Variants in OPHN1 observed in about 807,000 individuals in gnomAD.
The protein encoded by OPHN1 is oligophrenin 1.
Under a neutral mutation model 60.7 loss-of-function variants are expected in OPHN1, and 11 were observed. That is an observed-to-expected ratio of 0.18 (90% CI 0.11 to 0.30). OPHN1 has a LOEUF of 0.30. Ranked by LOEUF, OPHN1 falls within the 10% of genes least tolerant of loss-of-function variation. The probability of loss-of-function intolerance (pLI) is 1.00; values close to 1 mark genes in which losing one functional copy is unlikely to be tolerated. For synonymous variants in OPHN1, 226 were observed against 222.6 expected, an observed-to-expected ratio of 1.02 and a Z score of -0.14; for missense variants, 449 against 611.0, an observed-to-expected ratio of 0.73 and a Z score of 2.80.
At chrX:68,213,372 G>A (rs1280609835) in intron 7 of OPHN1, among the ~76,000 whole-genome samples, 1 of 110,532 alleles carries the variant, frequency 9.0e-6, no homozygotes, top group East Asian at 2.9e-4. Context: ...ACAAATATAT[G>A]GAAATGGAAA....
At chrX:68,052,696 G>T in intron 22 of OPHN1, 106 bp from the exon 23 acceptor site, 1 of 691,816 alleles carries the variant, frequency 1.4e-6, no homozygotes, top group Non-Finnish European at 2.3e-6. Context: ...GGACACCAAT[G>T]CCAGCCCCTG....
At chrX:68,183,567 CCTTA>C (rs1298965801) in intron 15 of OPHN1, among the ~76,000 whole-genome samples, 2 of 112,144 alleles carry the variant, frequency 1.8e-5, no homozygotes, top group Non-Finnish European at 3.8e-5. Flanking sequence ...TATAAACAAG[CCTTA>C]CTAACTAGCT....
chrX:68,224,291 T>G (rs1271175147), intron 6 of OPHN1, among the ~76,000 whole-genome samples: 1 of 111,838 alleles, frequency 8.9e-6, no homozygotes, highest in East Asian at 2.8e-4. Context: ...AATCAATTTT[T>G]AAAAGCTGAA....
chrX:68,397,674 C>G (rs1358083910), intron 2 of OPHN1, among the ~76,000 whole-genome samples: 5 of 107,559 alleles, frequency 4.6e-5, no homozygotes, highest in Non-Finnish European at 7.7e-5. Flanking sequence ...AGGCACCCAC[C>G]ACCACGCCCA....
At chrX:68,269,560 T>C (rs1302622205) in intron 5 of OPHN1, among the ~76,000 whole-genome samples, 1 of 111,730 alleles carries the variant, frequency 9.0e-6, no homozygotes, top group East Asian at 2.8e-4. Flanking sequence ...ACTGGATCCC[T>C]TCCTTACACC....
At chrX:68,225,994 C>T (rs2077689708) in intron 6 of OPHN1, among the ~76,000 whole-genome samples, 1 of 111,415 alleles carries the variant, frequency 9.0e-6, no homozygotes, top group Admixed American at 9.6e-5. Flanking sequence ...AAAGATAAGA[C>T]GAATGGCTAA....
intron 5 of OPHN1, among the ~76,000 whole-genome samples, chrX:68,268,991 C>T (rs997272830): frequency 1.8e-5 from 2 of 111,358 alleles, no homozygotes; most frequent in Non-Finnish European, 3.8e-5. Flanking sequence ...TTCACAATTG[C>T]TTCAAAGAGA....
chrX:68,100,389 G>C (rs976273917), intron 18 of OPHN1, among the ~76,000 whole-genome samples: 4 of 111,815 alleles, frequency 3.6e-5, no homozygotes, highest in Non-Finnish European at 7.5e-5. Context: ...TTTCTTTTTA[G>C]ATGTGATGTT....
intron 2 of OPHN1, among the ~76,000 whole-genome samples, chrX:68,370,215 G>A (rs1422242536): frequency 2.8e-5 from 3 of 108,079 alleles, no homozygotes; most frequent in East Asian, 2.9e-4. Context: ...ATGCTCAACC[G>A]GCCAGGCACA....
intron 2 of OPHN1, among the ~76,000 whole-genome samples, chrX:68,337,938 A>T (rs1299567251): frequency 1.4e-4 from 16 of 112,131 alleles, no homozygotes; most frequent in Non-Finnish European, 3.0e-4. Context: ...AATACATAAA[A>T]TAAACAATGA....
intron 5 of OPHN1, among the ~76,000 whole-genome samples, chrX:68,252,747 G>A (rs1403892854): frequency 9.0e-6 from 1 of 111,438 alleles, no homozygotes; most frequent in East Asian, 2.8e-4. Context: ...TTCTGGTTGG[G>A]GTGCAGGGCT....
At chrX:68,363,858 T>G (rs1279523097) in intron 2 of OPHN1, among the ~76,000 whole-genome samples, 1 of 111,091 alleles carries the variant, frequency 9.0e-6, no homozygotes, top group Non-Finnish European at 1.9e-5. Context: ...GTGGGGGAAT[T>G]GAGGGTACCT....
In OPHN1 at chrX:68,111,495, G is replaced by A. The variant is rs1398375924; in HGVS notation, c.1526+359C>T. Among the ~76,000 whole-genome samples, 4 of 112,287 alleles carry A rather than the reference G, an allele frequency of 3.6e-5. No homozygotes were observed. The Admixed American group carries it at 3.8e-4, about 11-fold the overall frequency. ...GTGTTCATCCTAATCCACACAACTG[G>A]CCTTCATTGTAGGGATTGTGCAGAT... On this transcript the variant is annotated intron_variant, in intron 18 of 24. Transcript: ENST00000355520.
chrX:68,204,042 T>C (rs2077547664), intron 10 of OPHN1, among the ~76,000 whole-genome samples: 1 of 112,884 alleles, frequency 8.9e-6, no homozygotes, highest in South Asian at 3.6e-4. Flanking sequence ...GCTCAATGAA[T>C]GTTTATGAAC....
intron 2 of OPHN1, among the ~76,000 whole-genome samples, chrX:68,399,086 C>T (rs1303317695): frequency 2.7e-5 from 3 of 110,189 alleles, no homozygotes; most frequent in African/African-American, 9.9e-5. Context: ...TATTTACAAA[C>T]CAGTGAGCCA....
chrX:68,230,468 T>C (rs1221720725), intron 6 of OPHN1, among the ~76,000 whole-genome samples: 1 of 110,727 alleles, frequency 9.0e-6, no homozygotes, highest in Non-Finnish European at 1.9e-5. Context: ...TGCACACATA[T>C]GCTTATTGTG....
At chrX:68,389,277 T>G (rs1232558737) in intron 2 of OPHN1, among the ~76,000 whole-genome samples, 1 of 108,775 alleles carries the variant, frequency 9.2e-6, no homozygotes, top group African/African-American at 3.3e-5. Flanking sequence ...TTAATGATAG[T>G]TAAAAATGGG....
At chrX:68,209,568 AAAAAG>A (rs752584392) in intron 9 of OPHN1, among the ~76,000 whole-genome samples, 3 of 111,806 alleles carry the variant, frequency 2.7e-5, no homozygotes, top group African/African-American at 9.8e-5. Flanking sequence ...CCTGTCTTAA[AAAAAG>A]AAAAGAAAAG....
At chrX:68,160,626 T>G (rs890905373) in intron 15 of OPHN1, among the ~76,000 whole-genome samples, 2 of 111,303 alleles carry the variant, frequency 1.8e-5, no homozygotes, top group Non-Finnish European at 1.9e-5. Context: ...AACAAAGAAA[T>G]TTTGAAAATT....
Sources: gnomAD v4.1 joint callset for allele counts (sites outside exome capture counted in the v4.1 genomes callset) on GRCh38, gnomAD v4.1.1 for gene constraint, MANE v1.5 for transcripts, NCBI Gene and HGNC (gene_info 2026-07-23, HGNC 2026-07-21) for gene names.